Variants in UNC13C observed in about 807,000 individuals in gnomAD.
The protein encoded by UNC13C is protein unc-13 homolog C.
A neutral mutation model predicts 245.4 loss-of-function variants in UNC13C; 174 were observed. The observed-to-expected ratio is 0.71, with a 90% CI of 0.63 to 0.80. The LOEUF (loss-of-function observed/expected upper bound fraction) is 0.80, where lower values mean the gene tolerates loss of function less well. UNC13C is among the 30% of genes least tolerant of loss of function. The pLI is 0.00. For missense variants in UNC13C, 2,829 were observed against 2,602.9 expected, an observed-to-expected ratio of 1.09 and a Z score of -1.89; for synonymous variants, 992 against 895.1, an observed-to-expected ratio of 1.11 and a Z score of -1.93.
At chr15:54,217,333 G>T (rs765106497) in intron 4 of UNC13C, among the ~76,000 whole-genome samples, 5 of 151,942 alleles carry the variant, frequency 3.3e-5, no homozygotes, top group Non-Finnish European at 5.9e-5. Flanking sequence ...CAGAGCTAAG[G>T]TGCCAACCAA....
chr15:54,108,329 G>T (rs1418438738), intron 2 of UNC13C, among the ~76,000 whole-genome samples: 1 of 152,128 alleles, frequency 6.6e-6, no homozygotes, highest in Non-Finnish European at 1.5e-5. Context: ...TGGGACTACA[G>T]GCGCCCGCCA....
At chr15:54,545,528 A>G (rs1052020456) in intron 26 of UNC13C, among the ~76,000 whole-genome samples, 2 of 152,232 alleles carry the variant, frequency 1.3e-5, no homozygotes, top group African/African-American at 2.4e-5. Flanking sequence ...AGAATGGGAG[A>G]AAATGTTTGC....
At chr15:53,871,627 A>T in the UNC13C span, among the ~76,000 whole-genome samples, 1 of 152,218 alleles carries the variant, frequency 6.6e-6, no homozygotes, top group Non-Finnish European at 1.5e-5. Flanking sequence ...TGCATGAGCG[A>T]ATAAATGAAT....
At chr15:54,259,176 C>T (rs2036358408) in intron 8 of UNC13C, among the ~76,000 whole-genome samples, 1 of 152,234 alleles carries the variant, frequency 6.6e-6, no homozygotes, top group Non-Finnish European at 1.5e-5. Context: ...AACATTATCA[C>T]ATCGGAGATT....
At chr15:54,324,031 G>A (rs2038232242) in intron 14 of UNC13C, among the ~76,000 whole-genome samples, 1 of 152,030 alleles carries the variant, frequency 6.6e-6, no homozygotes, top group Non-Finnish European at 1.5e-5. Flanking sequence ...TTCAGTGGCA[G>A]TGTAGTTATA....
intron 2 of UNC13C, among the ~76,000 whole-genome samples, chr15:54,067,719 G>A (rs951110300): frequency 5.9e-5 from 9 of 152,142 alleles, no homozygotes; most frequent in African/African-American, 1.9e-4. Context: ...TCAGACTTAC[G>A]TCATTAGCCC....
chr15:54,205,084 A>G (rs545966438), intron 4 of UNC13C, among the ~76,000 whole-genome samples: 1 of 152,050 alleles, frequency 6.6e-6, no homozygotes, highest in African/African-American at 2.4e-5. Context: ...GAGAACTGAA[A>G]GAGTTTTAAA....
intron 24 of UNC13C, among the ~76,000 whole-genome samples, chr15:54,514,697 T>C (rs929810591): frequency 1.9e-4 from 27 of 144,360 alleles, no homozygotes; most frequent in Middle Eastern, 3.3e-3. Context: ...TTGAGGCAGC[T>C]GTTTTTTCTT....
chr15:54,548,282 C>T (rs1330316232), intron 27 of UNC13C, among the ~76,000 whole-genome samples: 1 of 126,446 alleles, frequency 7.9e-6, no homozygotes, highest in Non-Finnish European at 1.6e-5. Flanking sequence ...AGTGCAGTGG[C>T]GCGATCTCGG....
At chr15:53,905,660 G>C in the UNC13C span, among the ~76,000 whole-genome samples, 2 of 152,214 alleles carry the variant, frequency 1.3e-5, no homozygotes, top group African/African-American at 4.8e-5. Flanking sequence ...AGTACAAAAA[G>C]TTTTAGTTGT....
At chr15:53,938,279 G>A in the UNC13C span, among the ~76,000 whole-genome samples, 1 of 152,062 alleles carries the variant, frequency 6.6e-6, no homozygotes, top group Non-Finnish European at 1.5e-5. Context: ...AGACAAAGAA[G>A]GGCATTACAT....
intron 1 of UNC13C, among the ~76,000 whole-genome samples, chr15:53,992,528 T>C (rs1180259616): frequency 2.0e-5 from 3 of 152,024 alleles, no homozygotes; most frequent in African/African-American, 7.2e-5. Flanking sequence ...TTTTGCAATC[T>C]TAGAGGATTC....
chr15:54,101,806 G>A (rs553611771), intron 2 of UNC13C, among the ~76,000 whole-genome samples: 1 of 151,768 alleles, frequency 6.6e-6, no homozygotes, highest in African/African-American at 2.4e-5. Flanking sequence ...GGCTGGTCTC[G>A]AACTCCTGAC....
At chr15:54,614,152 A>AT (rs1186298954) in intron 30 of UNC13C, among the ~76,000 whole-genome samples, 4 of 151,858 alleles carry the variant, frequency 2.6e-5, no homozygotes, top group African/African-American at 4.8e-5. Context: ...CAATTGACTT[A>AT]TTTTTTTAGA....
chr15:53,878,469 T>C, the UNC13C span, among the ~76,000 whole-genome samples: 1 of 152,204 alleles, frequency 6.6e-6, no homozygotes, highest in African/African-American at 2.4e-5. Context: ...AATTTTGTGA[T>C]GCGATGTTCT....
chr15:54,216,859 A>G (rs1256358034), intron 4 of UNC13C, among the ~76,000 whole-genome samples: 1 of 151,972 alleles, frequency 6.6e-6, no homozygotes, highest in Non-Finnish European at 1.5e-5. Flanking sequence ...AGCCAGTTAC[A>G]TCATCTTATG....
the UNC13C span, among the ~76,000 whole-genome samples, chr15:53,926,888 G>T: frequency 2.6e-5 from 4 of 152,186 alleles, no homozygotes; most frequent in South Asian, 4.1e-4. Flanking sequence ...CTATAGCTCT[G>T]CCCTTATGTG....
intron 18 of UNC13C, among the ~76,000 whole-genome samples, chr15:54,396,143 A>C (rs2040065182): frequency 6.6e-6 from 1 of 151,744 alleles, no homozygotes; most frequent in Non-Finnish European, 1.5e-5. Flanking sequence ...ATATTTAAAT[A>C]GTCTAATTTG....
chr15:54,445,662 G>T (rs1890771283), intron 19 of UNC13C, among the ~76,000 whole-genome samples: 1 of 151,998 alleles, frequency 6.6e-6, no homozygotes, highest in Non-Finnish European at 1.5e-5. Context: ...TTGTAAATTT[G>T]TTTGAGTTCT....
Sources: gnomAD v4.1 joint callset for allele counts (sites outside exome capture counted in the v4.1 genomes callset) on GRCh38, gnomAD v4.1.1 for gene constraint, MANE v1.5 for transcripts, NCBI Gene and HGNC (gene_info 2026-07-23, HGNC 2026-07-21) for gene names.